Variants in GRIA4 observed in about 807,000 individuals in gnomAD.
The protein encoded by GRIA4 is glutamate receptor 4.
A neutral mutation model predicts 104.0 loss-of-function variants in GRIA4; 34 were observed. That is an observed-to-expected ratio of 0.33 (90% CI 0.25 to 0.44). The LOEUF (loss-of-function observed/expected upper bound fraction) is 0.44, where lower values mean the gene tolerates loss of function less well. Ranked by LOEUF, GRIA4 falls within the 20% of genes least tolerant of loss-of-function variation. The pLI, the probability that GRIA4 is intolerant of heterozygous loss-of-function variation, is 1.00. For synonymous variants in GRIA4, 386 were observed against 381.9 expected (o/e 1.01, Z -0.13); for missense variants, 750 against 1,096.5 (o/e 0.68, Z 4.46).
intron 4 of GRIA4, among the ~76,000 whole-genome samples, chr11:105,794,471 ATG>A (rs1301152213): frequency 0.029 from 1,625 of 55,906 alleles, 94 homozygotes; most frequent in African/African-American, 0.049. Flanking sequence ...GTGTATATGT[ATG>A]TATATATATA....
At chr11:105,808,663 A>G (rs1280706301) in intron 4 of GRIA4, among the ~76,000 whole-genome samples, 1 of 152,094 alleles carries the variant, frequency 6.6e-6, no homozygotes, top group African/African-American at 2.4e-5. Context: ...TTGATCAAAA[A>G]TATATTTAAG....
At chr11:105,781,336 T>A (rs76672834) in intron 4 of GRIA4, among the ~76,000 whole-genome samples, 4,561 of 152,204 alleles carry the variant, frequency 0.03, 137 homozygotes, top group African/African-American at 0.077. Context: ...CATTCTTTTG[T>A]ACAAGGACTC....
At chr11:105,906,068 G>T (rs1416934725) in intron 9 of GRIA4, among the ~76,000 whole-genome samples, 1 of 151,936 alleles carries the variant, frequency 6.6e-6, no homozygotes, top group Non-Finnish European at 1.5e-5. Context: ...TTATCTAAAA[G>T]CTGTATTTGG....
At chr11:105,661,274 T>TA (rs1170835559) in intron 3 of GRIA4, among the ~76,000 whole-genome samples, 1 of 151,630 alleles carries the variant, frequency 6.6e-6, no homozygotes, top group Admixed American at 6.6e-5. Context: ...CTTCAATTGA[T>TA]ATACATAGAA....
intron 14 of GRIA4, among the ~76,000 whole-genome samples, chr11:105,935,549 G>C (rs1402378968): frequency 2.0e-5 from 3 of 152,146 alleles, no homozygotes; most frequent in Non-Finnish European, 4.4e-5. Context: ...TGAAGGCGTG[G>C]TTTTTGAGAG....
intron 3 of GRIA4, among the ~76,000 whole-genome samples, chr11:105,733,944 T>C (rs1340081577): frequency 6.6e-6 from 1 of 150,398 alleles, no homozygotes; most frequent in Admixed American, 6.7e-5. Context: ...CCTGTGTTCA[T>C]TTATGTTCCC....
chr11:105,812,815 A>T (rs1286392464), intron 4 of GRIA4, among the ~76,000 whole-genome samples: 1 of 152,126 alleles, frequency 6.6e-6, no homozygotes, highest in African/African-American at 2.4e-5. Context: ...AAAAGAAAGA[A>T]ATTGGCCTAG....
At chr11:105,687,997 A>AC (rs1364330551) in intron 3 of GRIA4, among the ~76,000 whole-genome samples, 2 of 152,178 alleles carry the variant, frequency 1.3e-5, no homozygotes, top group Non-Finnish European at 2.9e-5. Flanking sequence ...TTCAAGCATG[A>AC]CTTCATATAT....
chr11:105,891,512 C>T (rs1946454239), intron 6 of GRIA4, among the ~76,000 whole-genome samples: 1 of 152,088 alleles, frequency 6.6e-6, no homozygotes, highest in Admixed American at 6.6e-5. Context: ...CCCACTCCAC[C>T]CCACAACTAT....
In GRIA4 at chr11:105,887,542, T is replaced by A; in HGVS notation, c.696T>A (p.Val232=). The A allele has an allele frequency of 6.8e-7, 1 of 1,463,682 alleles. No individual in the cohort carries two copies. Among genetic ancestry groups the A allele is most frequent in the South Asian group, 1.2e-5 (1 of 84,068 alleles). The allele number at this position is 1,463,682 out of a possible 1,614,324, so 90.7% of individuals were successfully genotyped here. The change falls in exon 6 of 17, where the codon GTT becomes GTA. Residue 232 remains valine (V), a synonymous_variant. Coordinates refer to ENST00000282499, the MANE Select transcript of GRIA4 (RefSeq NM_000829.4). ...AGATTGTAAGTGTTGGAAAGCATGT[T>A]AAAGGCTACCATTATATCATTGCAA... The part of the protein sequence containing the change: ...LEQIVSVGKH[V]KGYHYIIANL...
chr11:105,847,519 G>T (rs117534511), intron 4 of GRIA4, among the ~76,000 whole-genome samples: 286 of 152,230 alleles, frequency 1.9e-3, no homozygotes, highest in Non-Finnish European at 2.9e-3. Flanking sequence ...GGTAATTCAA[G>T]AATACATTTA....
chr11:105,805,385 T>C (rs1274717014), intron 4 of GRIA4, among the ~76,000 whole-genome samples: 4 of 145,574 alleles, frequency 2.7e-5, no homozygotes, highest in Non-Finnish European at 6.0e-5. Context: ...AGGGAAAACA[T>C]GAACAATTAA....
At chr11:105,622,962 T>C (rs1950788380) in intron 3 of GRIA4, among the ~76,000 whole-genome samples, 1 of 151,388 alleles carries the variant, frequency 6.6e-6, no homozygotes, top group Non-Finnish European at 1.5e-5. Context: ...GTGTCTGACT[T>C]GTTTCACTTA....
intron 3 of GRIA4, among the ~76,000 whole-genome samples, chr11:105,718,449 G>A (rs947075879): frequency 1.3e-5 from 2 of 152,182 alleles, no homozygotes; most frequent in African/African-American, 2.4e-5. Context: ...GATGCTTTGC[G>A]TAAAGCAAAT....
At chr11:105,860,554 A>G (rs1394317508) in intron 4 of GRIA4, among the ~76,000 whole-genome samples, 1 of 152,224 alleles carries the variant, frequency 6.6e-6, no homozygotes, top group Non-Finnish European at 1.5e-5. Context: ...GCTAAACCAT[A>G]AAGTGAAAAT....
At position 105,686,057 on chromosome 11, in the gene GRIA4, A is replaced by C. The variant is rs577728254; in HGVS notation, c.248-66924A>C. Reference sequence around the variant, plus strand: ...TAAAGGCCAGGATAAAGATGATGGCAAAAGAGTTTCTTTTTTTCAACTTTT... The same window carrying C: ...TAAAGGCCAGGATAAAGATGATGGCCAAAGAGTTTCTTTTTTTCAACTTTT... On this transcript the variant is annotated intron_variant, in intron 3 of 16. Transcript: ENST00000282499. Among the ~76,000 whole-genome samples, 11 of 152,322 alleles carry C rather than the reference A, an allele frequency of 7.2e-5. No individual in the cohort carries two copies. In the East Asian group the frequency reaches 2.1e-3, roughly 29 times the overall value.
chr11:105,681,828 G>C (rs960445402), intron 3 of GRIA4, among the ~76,000 whole-genome samples: 1 of 152,120 alleles, frequency 6.6e-6, no homozygotes, highest in Non-Finnish European at 1.5e-5. Context: ...GATCACTTGA[G>C]GTCAGGAGTT....
At chr11:105,867,408 A>G (rs867323690) in intron 5 of GRIA4, among the ~76,000 whole-genome samples, 5 of 152,334 alleles carry the variant, frequency 3.3e-5, no homozygotes, top group Middle Eastern at 6.8e-3. Flanking sequence ...CAAATGGTCA[A>G]ATGCATGGCA....
At chr11:105,971,835 C>T in intron 14 of GRIA4, 79 bp from the exon 15 acceptor site, 1 of 895,676 alleles carries the variant, frequency 1.1e-6, no homozygotes, top group South Asian at 1.5e-5. Context: ...GTCACTTTGC[C>T]ATGCGATTCT....
Sources: allele counts gnomAD v4.1 joint callset (sites outside exome capture counted in the v4.1 genomes callset), GRCh38; gene constraint gnomAD v4.1.1; transcripts MANE v1.5; gene names NCBI Gene and HGNC (gene_info 2026-07-23, HGNC 2026-07-21).